Variants in TC2N observed in about 807,000 individuals in gnomAD.
The protein encoded by TC2N is tandem C2 domains nuclear protein.
In TC2N, 51 loss-of-function variants were observed where a neutral mutation model predicts 61.9. The observed-to-expected ratio is 0.82, with a 90% confidence interval of 0.66 to 1.04. TC2N has a LOEUF of 1.04. TC2N is among the 50% of genes least tolerant of loss of function. The pLI is 0.00. For synonymous variants in TC2N, 204 were observed against 192.6 expected, an observed-to-expected ratio of 1.06 and a Z score of -0.49; for missense variants, 556 against 566.7, an observed-to-expected ratio of 0.98 and a Z score of 0.19.
At chr14:91,835,724 T>C (rs1887967341) in intron 1 of TC2N, among the ~76,000 whole-genome samples, 1 of 152,230 alleles carries the variant, frequency 6.6e-6, no homozygotes, top group Non-Finnish European at 1.5e-5. Flanking sequence ...AGGGACACTT[T>C]TAACACCCTT....
chr14:91,827,789 C>A (rs185883513), intron 1 of TC2N, among the ~76,000 whole-genome samples: 1 of 152,156 alleles, frequency 6.6e-6, no homozygotes, highest in Admixed American at 6.5e-5. Context: ...TTTTAATACA[C>A]ACACTTAACA....
intron 10 of TC2N, among the ~76,000 whole-genome samples, chr14:91,786,997 T>C (rs1443025607): frequency 1.3e-5 from 2 of 152,154 alleles, no homozygotes; most frequent in East Asian, 3.9e-4. Flanking sequence ...CCTGCCCCCA[T>C]ACAGTTCCCT....
At chr14:91,817,505 A>G (rs1887058990) in intron 1 of TC2N, among the ~76,000 whole-genome samples, 1 of 152,062 alleles carries the variant, frequency 6.6e-6, no homozygotes, top group Non-Finnish European at 1.5e-5. Context: ...ACTGCTCAAA[A>G]ACAATATTGT....
At chr14:91,789,071 T>A (rs1163317238) in intron 9 of TC2N, among the ~76,000 whole-genome samples, 2 of 152,214 alleles carry the variant, frequency 1.3e-5, no homozygotes, top group Non-Finnish European at 2.9e-5. Context: ...AAATCATGGT[T>A]AAATTTTTTT....
In TC2N at chr14:91,798,325, C is replaced by G. The variant is rs770507706; in HGVS notation, c.712G>C (p.Glu238Gln). The change falls in exon 7 of 12, where the codon GAA becomes CAA. Residue 238 changes from glutamate (E) to glutamine (Q), a missense_variant. Physicochemically the swap from Glu to Gln is conservative, Grantham distance 29. Transcript: ENST00000435962. The part of the protein sequence containing the change: ...NVKLFYNSSV[E>Q]QIWITVLQCR... The stretch of plus-strand genomic sequence containing the variant: ...TGTAAAACTGTGATCCAGATCTGTT[C>G]TACTGAAGAATTATAAAACAATTTC... 1 of 1,585,780 alleles carries G rather than the reference C, an allele frequency of 6.3e-7. No individual in the cohort carries two copies. The highest frequency in any genetic ancestry group is 2.3e-5 in the East Asian group (1 of 44,218).
At chr14:91,839,659 A>C (rs1162654391) in intron 1 of TC2N, among the ~76,000 whole-genome samples, 1 of 152,260 alleles carries the variant, frequency 6.6e-6, no homozygotes, top group African/African-American at 2.4e-5. Flanking sequence ...TTTACAAATA[A>C]ATGGTCATGA....
At chr14:91,795,855 C>T (rs1434049435) in intron 8 of TC2N, among the ~76,000 whole-genome samples, 1 of 152,060 alleles carries the variant, frequency 6.6e-6, no homozygotes, top group Non-Finnish European at 1.5e-5. Flanking sequence ...GAGGGTCTCA[C>T]AACTACTGAG....
At position 91,781,187 on chromosome 14, in the gene TC2N, A is replaced by C. The variant is rs955808465; in HGVS notation, c.*1913T>G. On this transcript the variant is annotated 3_prime_UTR_variant, in exon 12 of 12. Transcript: ENST00000435962. ...CAGCTAAAACAAATTGTAGCTTTTA[A>C]AATAAACAATAAAGCCCGTTATTTA... The C allele has an allele frequency of 1.3e-5, 2 of 152,162 alleles. No homozygotes were observed. Among genetic ancestry groups the C allele is most frequent in the African/African-American group, 4.8e-5 (2 of 41,458 alleles). 9.4% of individuals were successfully genotyped at this position (152,162 alleles called of 1,614,324 possible).
In TC2N at chr14:91,802,409, G is replaced by GCT; in HGVS notation, c.312_313dup (p.Ala105GlufsTer9). ...TTCTACCTTTCGATCTCCAAAAGAT[G>GCT]CTCTGGCAGATCCTGAAAGCAAATG... is the stretch of plus-strand genomic sequence containing the variant. On this transcript the variant is annotated frameshift_variant, in exon 4 of 12. Transcript: ENST00000435962. LOFTEE classifies it high-confidence loss of function. 1.9e-6 allele frequency: 3 copies of GCT among 1,610,134 alleles called. No individual in the cohort carries two copies. Among genetic ancestry groups the GCT allele is most frequent in the Non-Finnish European group, 2.5e-6 (3 of 1,178,666 alleles).
At chr14:91,785,525 G>C (rs181468945) in intron 10 of TC2N, among the ~76,000 whole-genome samples, 164 bp from the exon 11 acceptor site, 9 of 152,152 alleles carry the variant, frequency 5.9e-5, no homozygotes, top group Admixed American at 2.0e-4. Context: ...ACAGAAAACA[G>C]TTCTAATCAA....
At chr14:91,862,339 C>CAAAAAAAA (rs56816512) in intron 1 of TC2N, among the ~76,000 whole-genome samples, 6 of 106,500 alleles carry the variant, frequency 5.6e-5, no homozygotes, top group African/African-American at 2.0e-4. Flanking sequence ...GACTCTGTCT[C>CAAAAAAAA]AAAAAAAAAA....
At chr14:91,823,592 G>A (rs1162796988) in intron 1 of TC2N, among the ~76,000 whole-genome samples, 1 of 151,388 alleles carries the variant, frequency 6.6e-6, no homozygotes, top group Non-Finnish European at 1.5e-5. Flanking sequence ...AAAATAATGA[G>A]TCAAGCAACT....
At chr14:91,853,649 TACACACACACACACACACAC>T (rs71123304) in intron 1 of TC2N, among the ~76,000 whole-genome samples, 12 of 103,046 alleles carry the variant, frequency 1.2e-4, no homozygotes, top group Non-Finnish European at 1.8e-4. Context: ...TTTTTTAAAG[TACACACACACACACACACAC>T]ACACACACAC....
rs556934024 is a variant in TC2N, at chr14:91,789,363, G to A, written c.1048-1736C>T. Among the ~76,000 whole-genome samples the A allele has an allele frequency of 2.7e-3, 415 of 151,818 alleles. 3 individuals are homozygous for A. The highest frequency in any genetic ancestry group is 0.027 in the South Asian group (131 of 4,794). ...TGTAATCCCAGCACTTTGGGAGGCC[G>A]AGGCAGGCGGATCACGAGGTCAGAT... is the stretch of plus-strand genomic sequence containing the variant. On this transcript the variant is annotated intron_variant, in intron 9 of 11. Transcript: ENST00000435962.
intron 1 of TC2N, among the ~76,000 whole-genome samples, chr14:91,849,933 C>T (rs1888340383): frequency 6.6e-6 from 1 of 151,858 alleles, no homozygotes; most frequent in Non-Finnish European, 1.5e-5. Context: ...ACTGTAATCC[C>T]AGCTACTCGG....
At chr14:91,833,865 T>G (rs1887893135) in intron 1 of TC2N, among the ~76,000 whole-genome samples, 1 of 152,216 alleles carries the variant, frequency 6.6e-6, no homozygotes, top group African/African-American at 2.4e-5. Context: ...ATTTTAACTA[T>G]TCTTTTCATA....
chr14:91,845,969 C>T (rs773566653), intron 1 of TC2N, among the ~76,000 whole-genome samples: 1 of 152,214 alleles, frequency 6.6e-6, no homozygotes, highest in Non-Finnish European at 1.5e-5. Flanking sequence ...TCAGGCCACA[C>T]ACAAGGTACA....
rs189719271 is a variant in TC2N, at chr14:91,854,687, A to G, written c.-57+12575T>C. 7.4e-4 allele frequency among the ~76,000 whole-genome samples: 113 copies of G among 152,294 alleles called. 1 individual carries two copies. Among genetic ancestry groups the G allele is most frequent in the Non-Finnish European group, 8.7e-4 (59 of 68,012 alleles). On this transcript the variant is annotated intron_variant, in intron 1 of 11. Coordinates refer to ENST00000435962, the MANE Select transcript of TC2N (RefSeq NM_001128596.3). ...TATTCCTTTAGTATCTCCTTGAAGC[A>G]CCCAGGGAAGCATTCAGACACAGGG...
intron 1 of TC2N, among the ~76,000 whole-genome samples, chr14:91,825,075 A>G (rs1370141509): frequency 8.5e-6 from 1 of 117,346 alleles, no homozygotes. Flanking sequence ...TCGCTCTGTC[A>G]TCCAGGCTGG....
Sources: gnomAD v4.1 joint callset for allele counts (sites outside exome capture counted in the v4.1 genomes callset) on GRCh38, gnomAD v4.1.1 for gene constraint, MANE v1.5 for transcripts, NCBI Gene and HGNC (gene_info 2026-07-23, HGNC 2026-07-21) for gene names.